Variants in YPEL2 observed in about 807,000 individuals in gnomAD.
YPEL2 encodes yippee like 2.
In YPEL2, 2 loss-of-function variants were observed where a neutral mutation model predicts 19.1. That is an observed-to-expected ratio of 0.10 (90% CI 0.04 to 0.33). The LOEUF (loss-of-function observed/expected upper bound fraction) is 0.33, where lower values mean the gene tolerates loss of function less well. YPEL2 is among the 10% of genes least tolerant of loss of function. The pLI, the probability that YPEL2 is intolerant of heterozygous loss-of-function variation, is 1.00. For missense variants in YPEL2, 66 were observed against 140.7 expected, an observed-to-expected ratio of 0.47 and a Z score of 2.68; for synonymous variants, 52 against 50.0, an observed-to-expected ratio of 1.04 and a Z score of -0.17.
At chr17:59,394,609 G>C (rs1190964942) in intron 4 of YPEL2, among the ~76,000 whole-genome samples, 2 of 151,304 alleles carry the variant, frequency 1.3e-5, no homozygotes, top group Non-Finnish European at 3.0e-5. Context: ...TCCAGACTGG[G>C]CAGCCAGGCA....
At chr17:59,340,738 C>T (rs1175579803) in intron 1 of YPEL2, among the ~76,000 whole-genome samples, 11 of 143,568 alleles carry the variant, frequency 7.7e-5, no homozygotes, top group East Asian at 2.1e-4. Context: ...TTTGAAATGG[C>T]GATGTCTTGC....
At position 59,400,970 on chromosome 17, in the gene YPEL2, A is replaced by C. The variant is rs1014699609; in HGVS notation, c.*3780A>C. On this transcript the variant is annotated 3_prime_UTR_variant, in exon 5 of 5. Coordinates refer to ENST00000312655, the MANE Select transcript of YPEL2 (RefSeq NM_001005404.4). ...CTTGCTTTGCGTGCTCAGTTTTTAC[A>C]GACTGTAAAGGAGATGTGTTGTTTG... 6.6e-6 allele frequency: 1 copy of C among 152,602 alleles called. No individual in the cohort carries two copies. The highest frequency in any genetic ancestry group is 2.4e-5 in the African/African-American group (1 of 41,440). 9.5% of individuals were successfully genotyped at this position (152,602 alleles called of 1,614,324 possible). A position where few individuals can be genotyped will look rare whatever the true frequency, so the allele number is the denominator to read the frequency against.
rs947566057 is a variant in YPEL2 at position 59,331,760 on chromosome 17, T to TA, written c.-260_-259insA. 7.2e-5 allele frequency: 11 copies of TA among 152,010 alleles called. No individual in the cohort carries two copies. The highest frequency in any genetic ancestry group is 2.7e-4 in the African/African-American group (11 of 41,376). 9.4% of individuals were successfully genotyped at this position (152,010 alleles called of 1,614,324 possible). A position where few individuals can be genotyped will look rare whatever the true frequency, so the allele number is the denominator to read the frequency against. ...AGCCCGAGCCCCAGCCGGGCCGCGC[T>TA]TCGCCGCTGCGCACCCCAGCGGAGC... On this transcript the variant is annotated 5_prime_UTR_variant, in exon 1 of 5. It introduces an in-frame stop codon into an upstream open reading frame of the 5' UTR. Coordinates refer to ENST00000312655, the MANE Select transcript of YPEL2 (RefSeq NM_001005404.4).
intron 1 of YPEL2, among the ~76,000 whole-genome samples, chr17:59,341,064 C>A (rs905753702): frequency 6.0e-5 from 9 of 148,892 alleles, no homozygotes; most frequent in African/African-American, 2.0e-4. Flanking sequence ...GTGGCTCATG[C>A]CTGTAATCCC....
intron 2 of YPEL2, among the ~76,000 whole-genome samples, chr17:59,382,503 CT>C (rs1314487828): frequency 1.3e-5 from 2 of 152,218 alleles, no homozygotes; most frequent in Admixed American, 6.5e-5. Context: ...TGACATACCC[CT>C]ATCAGTAAAA....
chr17:59,348,818 C>T (rs1424177621), intron 1 of YPEL2, among the ~76,000 whole-genome samples: 1 of 152,026 alleles, frequency 6.6e-6, no homozygotes, highest in African/African-American at 2.4e-5. Flanking sequence ...CCCTGTTGCC[C>T]CATTAACAGG....
chr17:59,396,161 T>A (rs1257399057), intron 4 of YPEL2, among the ~76,000 whole-genome samples: 1 of 152,226 alleles, frequency 6.6e-6, no homozygotes, highest in Non-Finnish European at 1.5e-5. Flanking sequence ...ACTTTATGGA[T>A]CTAACCCAGG....
At chr17:59,394,342 G>A (rs1419063738) in intron 4 of YPEL2, among the ~76,000 whole-genome samples, 38 of 150,994 alleles carry the variant, frequency 2.5e-4, no homozygotes, top group South Asian at 1.0e-3. Flanking sequence ...ACGGGGTCGC[G>A]GCCGGGCAGA....
intron 2 of YPEL2, chr17:59,354,312 G>A (rs1008966144): frequency 2.6e-5 from 4 of 152,038 alleles, no homozygotes; most frequent in African/African-American, 4.8e-5. Flanking sequence ...AGAGATAATG[G>A]GAGACTTTTC....
intron 1 of YPEL2, among the ~76,000 whole-genome samples, chr17:59,346,846 A>G (rs1414833552): frequency 6.6e-6 from 1 of 152,088 alleles, no homozygotes; most frequent in Non-Finnish European, 1.5e-5. Flanking sequence ...GTGAGGAGAG[A>G]TGGAAAGGTT....
At chr17:59,344,926 G>A (rs1448926450) in intron 1 of YPEL2, among the ~76,000 whole-genome samples, 2 of 152,176 alleles carry the variant, frequency 1.3e-5, no homozygotes, top group East Asian at 1.9e-4. Context: ...ACCAGGGACC[G>A]GTTTTGTGGA....
At chr17:59,347,426 C>A (rs538794884) in intron 1 of YPEL2, among the ~76,000 whole-genome samples, 1 of 152,198 alleles carries the variant, frequency 6.6e-6, no homozygotes, top group African/African-American at 2.4e-5. Flanking sequence ...TGTGTCCAGC[C>A]GGTCCTGTCT....
At chr17:59,365,471 G>T (rs751192617) in intron 2 of YPEL2, among the ~76,000 whole-genome samples, 15 of 152,202 alleles carry the variant, frequency 9.9e-5, no homozygotes, top group Non-Finnish European at 1.8e-4. Flanking sequence ...ACCTCAGTTG[G>T]CTGTGACACA....
At chr17:59,366,849 G>T (rs1489414544) in intron 2 of YPEL2, among the ~76,000 whole-genome samples, 1 of 152,156 alleles carries the variant, frequency 6.6e-6, no homozygotes, top group East Asian at 1.9e-4. Flanking sequence ...CATATTTCTT[G>T]ATTCTTCCCG....
At chr17:59,346,919 C>G (rs372953549) in intron 1 of YPEL2, among the ~76,000 whole-genome samples, 1 of 152,088 alleles carries the variant, frequency 6.6e-6, no homozygotes, top group African/African-American at 2.4e-5. Context: ...GCGTGGTGTA[C>G]TGAGGGGACC....
chr17:59,379,672 G>C (rs1184752919), intron 2 of YPEL2, among the ~76,000 whole-genome samples: 1 of 152,168 alleles, frequency 6.6e-6, no homozygotes, highest in Non-Finnish European at 1.5e-5. Context: ...GGAAATAGTG[G>C]TGATAGTTGC....
intron 2 of YPEL2, chr17:59,355,455 G>A (rs1228808882): frequency 6.6e-6 from 1 of 152,164 alleles, no homozygotes; most frequent in Non-Finnish European, 1.5e-5. Flanking sequence ...TGGCTTTTTT[G>A]GTAGGTCTCC....
chr17:59,374,775 AT>A (rs2047912462), intron 2 of YPEL2, among the ~76,000 whole-genome samples: 1 of 152,192 alleles, frequency 6.6e-6, no homozygotes, highest in Non-Finnish European at 1.5e-5. Flanking sequence ...CATTTCACAG[AT>A]GAGGAACTTT....
At chr17:59,373,494 C>T (rs1021393240) in intron 2 of YPEL2, among the ~76,000 whole-genome samples, 3 of 152,110 alleles carry the variant, frequency 2.0e-5, no homozygotes, top group Non-Finnish European at 2.9e-5. Flanking sequence ...AATTTATTGC[C>T]GCGATTTATA....
Sources: allele counts gnomAD v4.1 joint callset (sites outside exome capture counted in the v4.1 genomes callset), GRCh38; gene constraint gnomAD v4.1.1; transcripts MANE v1.5; gene names NCBI Gene and HGNC (gene_info 2026-07-23, HGNC 2026-07-21).